The following LRRIQ4 variants were observed in gnomAD, a reference collection of about 807,000 sequenced individuals.
The protein encoded by LRRIQ4 is leucine-rich repeat and IQ domain-containing protein 4.
Under a neutral mutation model 40.1 loss-of-function variants are expected in LRRIQ4, and 21 were observed. That is an observed-to-expected ratio of 0.52 (90% CI 0.37 to 0.75). The LOEUF (loss-of-function observed/expected upper bound fraction) is 0.75, where lower values mean the gene tolerates loss of function less well. Ranked by LOEUF, LRRIQ4 falls within the 30% of genes least tolerant of loss-of-function variation. The pLI, the probability that LRRIQ4 is intolerant of heterozygous loss-of-function variation, is 0.00. For missense variants in LRRIQ4, 655 were observed against 660.0 expected (o/e 0.99, Z 0.08); for synonymous variants, 277 against 277.1 (o/e 1.00, Z 0.00).
chr3:169,828,703 T>C, intron 2 of LRRIQ4, 56 bp from the exon 3 acceptor site: 1 of 1,533,320 alleles, frequency 6.5e-7, no homozygotes. Context: ...GCCCAATTTA[T>C]CTCTGCTGTT....
chr3:169,828,241 T>G (rs80016023), intron 2 of LRRIQ4, among the ~76,000 whole-genome samples: 2,052 of 151,814 alleles, frequency 0.014, 42 homozygotes, highest in African/African-American at 0.048. Flanking sequence ...GCTCCAATTT[T>G]TTTTTTTTTG....
intron 1 of LRRIQ4, among the ~76,000 whole-genome samples, chr3:169,820,249 C>CTGTGTGTGTG (rs55800037): frequency 4.0e-4 from 57 of 143,768 alleles, no homozygotes; most frequent in African/African-American, 6.4e-4. Flanking sequence ...CCCATAGACT[C>CTGTGTGTGTG]TGTGTGTGTG....
chr3:169,830,409 A>AAAT, intron 3 of LRRIQ4, 83 bp from the exon 4 acceptor site: 1 of 508,540 alleles, frequency 2.0e-6, no homozygotes, highest in Non-Finnish European at 2.9e-6. Flanking sequence ...AAAAAAAAAA[A>AAAT]TGCATGAGCA....
chr3:169,822,646 C>T lies in LRRIQ4; in HGVS notation c.725C>T (p.Ser242Phe). Residue 242 changes from serine to phenylalanine, a missense_variant, in exon 2 of 6, where the codon TCC becomes TTC. By Grantham distance (155) the Ser-to-Phe change is radical (BLOSUM62 -2). Transcript: ENST00000340806. ...QCSQLSVLDL[S>F]HNLLHSIPKS... ...AGCCAACTGTCGGTGCTCGATTTAT[C>T]CCACAACCTCCTCCACTCCATCCCG... The T allele has an allele frequency of 6.2e-7, 1 of 1,613,954 alleles. No homozygotes were observed. Among genetic ancestry groups the T allele is most frequent in the Non-Finnish European group, 8.5e-7 (1 of 1,179,888 alleles).
In LRRIQ4 at chr3:169,825,168, C is replaced by T. The variant is rs59273133; in HGVS notation, c.1020+2227C>T. 0.027 allele frequency among the ~76,000 whole-genome samples: 4,044 copies of T among 152,014 alleles called. 266 individuals are homozygous for T. In the East Asian group the frequency reaches 0.27, roughly 10 times the overall value. On this transcript the variant is annotated intron_variant, in intron 2 of 5. Coordinates refer to ENST00000340806, the MANE Select transcript of LRRIQ4 (RefSeq NM_001080460.3). ...GACTATAGGTGCCTGCCACCACGCC[C>T]GGCTAATTTATGTATTTTTAGTAGA...
chr3:169,813,847 G>T (rs951140561), intron 1 of LRRIQ4, among the ~76,000 whole-genome samples: 1 of 152,190 alleles, frequency 6.6e-6, no homozygotes, highest in African/African-American at 2.4e-5. Flanking sequence ...CGGTAACAAT[G>T]GGGGTGTGGC....
intron 5 of LRRIQ4, 28 bp from the exon 6 acceptor site, chr3:169,837,451 G>A: frequency 6.9e-6 from 11 of 1,588,622 alleles, no homozygotes; most frequent in Non-Finnish European, 9.4e-6. Flanking sequence ...ACCAGCCGAT[G>A]CTGAATTTGG....
At position 169,827,745 on chromosome 3, in the gene LRRIQ4, C is replaced by T. The variant is rs147623613; in HGVS notation, c.1021-1014C>T. Among the ~76,000 whole-genome samples the T allele has an allele frequency of 8.1e-4, 123 of 151,994 alleles. 1 individual carries two copies. The highest frequency in any genetic ancestry group is 2.9e-3 in the African/African-American group (119 of 41,448). ...AGGAAATCTGATGATTAGAAGTAGC[C>T]ATAGAAGATAATGAGCTTTTCTTCA... On this transcript the variant is annotated intron_variant, in intron 2 of 5. Transcript: ENST00000340806.
chr3:169,820,293 A>T (rs1295842821), intron 1 of LRRIQ4, among the ~76,000 whole-genome samples: 3 of 125,984 alleles, frequency 2.4e-5, no homozygotes, highest in Non-Finnish European at 5.3e-5. Flanking sequence ...GTGTGTGTGT[A>T]CTAAAGACTT....
At position 169,822,651 on chromosome 3, in the gene LRRIQ4, A is replaced by G; in HGVS notation, c.730A>G (p.Asn244Asp). 2 of 1,613,904 alleles carry G rather than the reference A, an allele frequency of 1.2e-6. No individual in the cohort carries two copies. Among genetic ancestry groups the G allele is most frequent in the Non-Finnish European group, 1.7e-6 (2 of 1,179,898 alleles). Residue 244 changes from asparagine (N) to aspartate (D), a missense_variant, in exon 2 of 6, where the codon AAC becomes GAC. Physicochemically the swap from Asn to Asp is conservative, Grantham distance 23 (BLOSUM62 1). Transcript: ENST00000340806. Reference protein sequence around the residue: ...SQLSVLDLSHNLLHSIPKSFA... With the variant: ...SQLSVLDLSHDLLHSIPKSFA... ...ACTGTCGGTGCTCGATTTATCCCAC[A>G]ACCTCCTCCACTCCATCCCGAAGAG...
rs930328197 is a variant in LRRIQ4 at position 169,824,674 on chromosome 3, G to A, written c.1020+1733G>A. ...ACTACAGGTGTGCGCCATCACACCC[G>A]GCTAATTTTTGTATTTTTAATAGAG... On this transcript the variant is annotated intron_variant, in intron 2 of 5. Transcript: ENST00000340806. 1.9e-4 allele frequency among the ~76,000 whole-genome samples: 29 copies of A among 151,882 alleles called. No individual in the cohort carries two copies. In the East Asian group the frequency reaches 3.7e-3, roughly 19 times the overall value.
intron 1 of LRRIQ4, among the ~76,000 whole-genome samples, chr3:169,819,531 C>T (rs1360283602): frequency 1.3e-5 from 2 of 152,204 alleles, no homozygotes; most frequent in Non-Finnish European, 2.9e-5. Flanking sequence ...TAAAATTTCA[C>T]ACCCGAGAAG....
Position 169,830,587 on chromosome 3 carries a change from C to G in LRRIQ4, c.1290C>G (p.His430Gln). 1.9e-6 allele frequency: 3 copies of G among 1,613,830 alleles called. No individual in the cohort carries two copies. Among genetic ancestry groups the G allele is most frequent in the Non-Finnish European group, 2.5e-6 (3 of 1,179,860 alleles). Residue 430 changes from histidine to glutamine, a missense_variant, in exon 4 of 6, where the codon CAC (histidine) becomes CAG (glutamine). Transcript: ENST00000340806. ...MPNLEVLDCR[H>Q]NLLKQLPDAI... ...ACCTAGAAGTTCTTGATTGCCGGCA[C>G]AATTTGCTTAAGCAACTTCCAGATG...
chr3:169,821,730 T>C (rs1021445406), intron 1 of LRRIQ4, among the ~76,000 whole-genome samples, 161 bp from the exon 2 acceptor site: 1 of 152,238 alleles, frequency 6.6e-6, no homozygotes, highest in Non-Finnish European at 1.5e-5. Flanking sequence ...GTCTACACTT[T>C]AATTCTTCTA....
At chr3:169,813,908 G>C (rs1050563529) in intron 1 of LRRIQ4, among the ~76,000 whole-genome samples, 3 of 152,260 alleles carry the variant, frequency 2.0e-5, no homozygotes, top group South Asian at 4.1e-4. Context: ...GCATGCAGAC[G>C]GGCAGGTTGT....
chr3:169,817,618 G>A (rs1330908842), intron 1 of LRRIQ4, among the ~76,000 whole-genome samples: 1 of 152,006 alleles, frequency 6.6e-6, no homozygotes, highest in Non-Finnish European at 1.5e-5. Flanking sequence ...TCCAGTGTTG[G>A]GTGCATGTAT....
chr3:169,819,894 G>A (rs1779842157), intron 1 of LRRIQ4, among the ~76,000 whole-genome samples: 1 of 152,182 alleles, frequency 6.6e-6, no homozygotes, highest in East Asian at 1.9e-4. Context: ...AACAGTATTA[G>A]ATAAATTTAA....
At chr3:169,823,410 T>C (rs960963898) in intron 2 of LRRIQ4, among the ~76,000 whole-genome samples, 2 of 150,226 alleles carry the variant, frequency 1.3e-5, no homozygotes, top group African/African-American at 2.5e-5. Context: ...TGCAGTGGTG[T>C]GATCTCGGCT....
In LRRIQ4 at chr3:169,822,439, A is replaced by G. The variant is rs755211032; in HGVS notation, c.518A>G (p.Lys173Arg). Reference sequence around the variant, plus strand: ...ACCAAGCTGAGGGAGATCTACCTGAAGCGAAACCAGTTTGAAGTTTTCCCC... The same window carrying G: ...ACCAAGCTGAGGGAGATCTACCTGAGGCGAAACCAGTTTGAAGTTTTCCCC... The part of the protein sequence containing the change: ...NQTKLREIYL[K>R]RNQFEVFPQE... Residue 173 changes from lysine (K) to arginine (R), a missense_variant, in exon 2 of 6, where the codon AAG becomes AGG. Transcript: ENST00000340806. 3.7e-6 allele frequency: 6 copies of G among 1,613,760 alleles called. No homozygotes were observed. The East Asian group carries it at 1.1e-4, about 30-fold the overall frequency.
Sources: allele counts gnomAD v4.1 joint callset (sites outside exome capture counted in the v4.1 genomes callset), GRCh38; gene constraint gnomAD v4.1.1; transcripts MANE v1.5; gene names NCBI Gene and HGNC (gene_info 2026-07-23, HGNC 2026-07-21).